GRM1: variants seen among roughly 807,000 people sequenced by gnomAD.
GRM1 encodes the protein glutamate metabotropic receptor 1.
In GRM1, 33 loss-of-function variants were observed where a neutral mutation model predicts 90.9. That is an observed-to-expected ratio of 0.36 (90% CI 0.28 to 0.49). GRM1 has a LOEUF of 0.49. GRM1 is among the 20% of genes least tolerant of loss of function. The pLI, the probability that GRM1 is intolerant of heterozygous loss-of-function variation, is 0.99. For missense variants in GRM1, 1,190 were observed against 1,534.3 expected (o/e 0.78, Z 3.75); for synonymous variants, 700 against 613.2 (o/e 1.14, Z -2.09).
rs375083036 is a variant in GRM1 at position 146,042,132 on chromosome 6, G to T, written c.700+11915G>T. On this transcript the variant is annotated intron_variant, in intron 1 of 7. Coordinates refer to ENST00000282753, the MANE Select transcript of GRM1 (RefSeq NM_001278064.2). ...CTCAATGACTCAATCAAATTCAAAA[G>T]TCTCTATCTTTTAATACCACCACAA... Among the ~76,000 whole-genome samples, 21 of 152,086 alleles carry T rather than the reference G, an allele frequency of 1.4e-4. 1 individual carries two copies. The South Asian group carries it at 4.2e-3, about 30-fold the overall frequency.
chr6:146,394,672 C>T (rs1025431720), intron 6 of GRM1, among the ~76,000 whole-genome samples: 3 of 152,028 alleles, frequency 2.0e-5, no homozygotes, highest in African/African-American at 7.2e-5. Context: ...CCTCATATCA[C>T]TGGATTTATA....
At chr6:146,378,564 T>G (rs1400786749) in intron 5 of GRM1, among the ~76,000 whole-genome samples, 1 of 152,232 alleles carries the variant, frequency 6.6e-6, no homozygotes, top group African/African-American at 2.4e-5. Context: ...TTTGGCCAAT[T>G]TCTCCCATTT....
intron 2 of GRM1, among the ~76,000 whole-genome samples, chr6:146,256,285 G>C (rs1285853519): frequency 6.6e-6 from 1 of 152,082 alleles, no homozygotes; most frequent in Non-Finnish European, 1.5e-5. Context: ...GTCCTTGGCT[G>C]GTTTTCAGTG....
intron 2 of GRM1, among the ~76,000 whole-genome samples, chr6:146,184,344 T>C (rs1422649134): frequency 6.6e-6 from 1 of 152,176 alleles, no homozygotes; most frequent in African/African-American, 2.4e-5. Context: ...TTTGCTTGAT[T>C]GGAAACTCAC....
intron 1 of GRM1, among the ~76,000 whole-genome samples, chr6:146,062,294 G>A (rs772302282): frequency 2.0e-5 from 3 of 151,784 alleles, no homozygotes; most frequent in African/African-American, 7.3e-5. Context: ...GATGAACAAC[G>A]AGAACACATG....
Position 146,200,844 on chromosome 6 carries a change from C to T in GRM1, c.950+41247C>T, listed in dbSNP as rs553877870. On this transcript the variant is annotated intron_variant, in intron 2 of 7. Coordinates refer to ENST00000282753, the MANE Select transcript of GRM1 (RefSeq NM_001278064.2). ...GGGTAGAAAAAGAATCAAATTGCTA[C>T]GCAGTTCAAATAAAGTTTTGGTCAG... 5.3e-5 allele frequency among the ~76,000 whole-genome samples: 8 copies of T among 152,206 alleles called. No homozygotes were observed. In the South Asian group the frequency reaches 6.2e-4, roughly 12 times the overall value.
At position 146,029,998 on chromosome 6, in the gene GRM1, G is replaced by C; in HGVS notation, c.481G>C (p.Gly161Arg). Residue 161 changes from glycine to arginine, a missense_variant, in exon 1 of 8, where the codon GGT becomes CGT. By Grantham distance (125) the Gly-to-Arg change is moderately radical. Coordinates refer to ENST00000282753, the MANE Select transcript of GRM1 (RefSeq NM_001278064.2). ...TAAGAAGCCCATTGCGGGAGTGATC[G>C]GTCCCGGCTCCAGCTCTGTAGCCAT... Reference protein sequence around the residue: ...RTKKPIAGVIGPGSSSVAIQV... With the variant: ...RTKKPIAGVIRPGSSSVAIQV... 1 of 1,614,108 alleles carries C rather than the reference G, an allele frequency of 6.2e-7. No homozygotes were observed. The highest frequency in any genetic ancestry group is 8.5e-7 in the Non-Finnish European group (1 of 1,179,982).
chr6:146,173,430 A>G (rs1456598514), intron 2 of GRM1, among the ~76,000 whole-genome samples: 3 of 151,344 alleles, frequency 2.0e-5, no homozygotes, highest in African/African-American at 4.8e-5. Flanking sequence ...AAGAAAAAGA[A>G]AAAGAAAGAA....
intron 2 of GRM1, among the ~76,000 whole-genome samples, chr6:146,234,416 C>T (rs1458698026): frequency 1.3e-5 from 2 of 151,744 alleles, no homozygotes; most frequent in African/African-American, 4.8e-5. Context: ...TCTCTTATTT[C>T]TTTGGGATTG....
chr6:146,407,432 G>T (rs1396995981), intron 7 of GRM1, among the ~76,000 whole-genome samples: 2 of 152,058 alleles, frequency 1.3e-5, no homozygotes, highest in African/African-American at 4.8e-5. Flanking sequence ...CAGACCATGG[G>T]CACCTATTAT....
At chr6:146,033,635 T>G (rs1483978796) in intron 1 of GRM1, among the ~76,000 whole-genome samples, 2 of 152,078 alleles carry the variant, frequency 1.3e-5, no homozygotes, top group African/African-American at 4.8e-5. Flanking sequence ...GCTGCTTCCC[T>G]TATTAAAATA....
intron 2 of GRM1, among the ~76,000 whole-genome samples, chr6:146,255,496 G>T (rs1164657031): frequency 6.6e-6 from 1 of 151,910 alleles, no homozygotes; most frequent in East Asian, 1.9e-4. Context: ...ATCAAACCAG[G>T]GGATGATTTC....
chr6:146,350,949 A>G (rs1188606085), intron 3 of GRM1, among the ~76,000 whole-genome samples: 1 of 152,172 alleles, frequency 6.6e-6, no homozygotes, highest in Non-Finnish European at 1.5e-5. Flanking sequence ...TGTCACTCTC[A>G]GGGTAGATAT....
chr6:146,407,018 C>T (rs980856174), intron 7 of GRM1, among the ~76,000 whole-genome samples: 1 of 152,110 alleles, frequency 6.6e-6, no homozygotes, highest in Non-Finnish European at 1.5e-5. Context: ...CCTAGGTGGC[C>T]AGCGCAAGGA....
At chr6:146,279,448 A>G (rs548853089) in intron 2 of GRM1, among the ~76,000 whole-genome samples, 1 of 152,268 alleles carries the variant, frequency 6.6e-6, no homozygotes, top group Non-Finnish European at 1.5e-5. Flanking sequence ...ATGCATTTAG[A>G]GATATAAAAA....
rs373227330 is a variant in GRM1, at chr6:146,297,748, CA to C, written c.951-6862del. Among the ~76,000 whole-genome samples the C allele has an allele frequency of 3.9e-3, 600 of 152,224 alleles. 5 individuals are homozygous for C. The highest frequency in any genetic ancestry group is 0.013 in the African/African-American group (537 of 41,552). On this transcript the variant is annotated intron_variant, in intron 2 of 7. Coordinates refer to ENST00000282753, the MANE Select transcript of GRM1 (RefSeq NM_001278064.2). ...TTTTGTTCAAATAAGAAAAATAAAT[CA>C]GTTTTTAAAAAGAACTAAAAGAGAT...
intron 1 of GRM1, among the ~76,000 whole-genome samples, chr6:146,122,718 C>A (rs969371488): frequency 1.3e-5 from 2 of 150,454 alleles, no homozygotes; most frequent in Non-Finnish European, 3.0e-5. Context: ...TTAATTGCTT[C>A]TTTTTAAGAG....
chr6:146,219,237 T>G (rs1417560454), intron 2 of GRM1, among the ~76,000 whole-genome samples: 1 of 152,150 alleles, frequency 6.6e-6, no homozygotes, highest in Non-Finnish European at 1.5e-5. Context: ...TTTCTGCCCA[T>G]GGGAATATTT....
chr6:146,369,003 A>G (rs180716472), intron 5 of GRM1, among the ~76,000 whole-genome samples: 12 of 152,036 alleles, frequency 7.9e-5, no homozygotes, highest in Admixed American at 5.9e-4. Context: ...AGAGATTTTT[A>G]TTACTGATTC....
Sources: allele counts gnomAD v4.1 joint callset (sites outside exome capture counted in the v4.1 genomes callset), GRCh38; gene constraint gnomAD v4.1.1; transcripts MANE v1.5; gene names NCBI Gene and HGNC (gene_info 2026-07-23, HGNC 2026-07-21).